The following ASIC2 variants were observed in gnomAD, a reference collection of about 807,000 sequenced individuals.
ASIC2 encodes the protein acid-sensing ion channel 2.
Under a neutral mutation model 57.3 loss-of-function variants are expected in ASIC2, and 25 were observed. The ratio of observed to expected loss-of-function variants is 0.44; its 90% CI spans 0.32 to 0.61. The LOEUF is 0.61. Among genes scored for constraint, ASIC2 ranks in the 20% least tolerant of loss-of-function variants. ASIC2 has a pLI of 0.06. For missense variants in ASIC2, 641 were observed against 738.1 expected (o/e 0.87, Z 1.52); for synonymous variants, 319 against 307.5 (o/e 1.04, Z -0.39).
At position 34,113,298 on chromosome 17, in the gene ASIC2, T is replaced by C. The variant is rs141985525; in HGVS notation, c.555+42680A>G. On this transcript the variant is annotated intron_variant, in intron 1 of 9. Transcript: ENST00000359872. ...TATGTGTCAAGAATAAAATGAGTCATGCCTGTAATCCTAGAACTTTGGGAG... is the reference window on the plus strand; with the variant it reads ...TATGTGTCAAGAATAAAATGAGTCACGCCTGTAATCCTAGAACTTTGGGAG... Among the ~76,000 whole-genome samples, 330 of 152,254 alleles carry C rather than the reference T, an allele frequency of 2.2e-3. 1 individual carries two copies. Among genetic ancestry groups the C allele is most frequent in the African/African-American group, 7.6e-3 (316 of 41,552 alleles).
intron 1 of ASIC2, among the ~76,000 whole-genome samples, chr17:33,220,241 C>T (rs1907640621): frequency 1.3e-5 from 2 of 152,190 alleles, no homozygotes; most frequent in African/African-American, 4.8e-5. Context: ...TTGGCTACCT[C>T]ACAAAGCATT....
In ASIC2 at chr17:33,675,149, A is replaced by G. The variant is rs573280578; in HGVS notation, c.555+480829T>C. ...ACATAGCAAGTTACCACTCAATATC[A>G]ATTAATGTTATCATCGTTATTTCCC... On this transcript the variant is annotated intron_variant, in intron 1 of 9. Transcript: ENST00000359872. Among the ~76,000 whole-genome samples, 13 of 152,326 alleles carry G rather than the reference A, an allele frequency of 8.5e-5. No individual in the cohort carries two copies. The South Asian group carries it at 2.3e-3, about 27-fold the overall frequency.
intron 3 of ASIC2, among the ~76,000 whole-genome samples, chr17:33,044,641 A>G (rs974219812): frequency 6.6e-6 from 1 of 152,228 alleles, no homozygotes; most frequent in Non-Finnish European, 1.5e-5. Context: ...GATTACAGGC[A>G]TGAGCCACCA....
chr17:33,799,407 C>CT (rs1241683502), intron 1 of ASIC2, among the ~76,000 whole-genome samples: 35 of 48,804 alleles, frequency 7.2e-4, no homozygotes, highest in African/African-American at 2.0e-3. Flanking sequence ...TCTTTCTTTT[C>CT]TTTCTTTCTT....
chr17:33,496,791 T>C (rs896244147), intron 1 of ASIC2, among the ~76,000 whole-genome samples: 2 of 151,982 alleles, frequency 1.3e-5, no homozygotes, highest in African/African-American at 4.8e-5. Context: ...CTAATTGTTC[T>C]ATTTTTAGTA....
intron 1 of ASIC2, among the ~76,000 whole-genome samples, chr17:33,232,910 C>T (rs1908163132): frequency 6.6e-6 from 1 of 152,268 alleles, no homozygotes; most frequent in East Asian, 1.9e-4. Flanking sequence ...TGGAGCGATG[C>T]ATTCTTGTAT....
At chr17:33,374,136 C>T (rs973686682) in intron 1 of ASIC2, among the ~76,000 whole-genome samples, 2 of 151,980 alleles carry the variant, frequency 1.3e-5, no homozygotes, top group African/African-American at 4.8e-5. Context: ...GTTGGGATTA[C>T]AGGTGCGCAC....
At chr17:33,608,416 T>G (rs562137470) in intron 1 of ASIC2, among the ~76,000 whole-genome samples, 108 of 152,256 alleles carry the variant, frequency 7.1e-4, no homozygotes, top group African/African-American at 2.5e-3. Flanking sequence ...ACTCATATAT[T>G]TTCGGCATCT....
At chr17:33,538,822 C>T (rs539790944) in intron 1 of ASIC2, among the ~76,000 whole-genome samples, 2 of 152,312 alleles carry the variant, frequency 1.3e-5, no homozygotes, top group South Asian at 2.1e-4. Context: ...GGATGAGATA[C>T]TTGGAGGCTC....
chr17:33,259,263 A>G (rs1652806310), intron 1 of ASIC2, among the ~76,000 whole-genome samples: 1 of 152,236 alleles, frequency 6.6e-6, no homozygotes, highest in Non-Finnish European at 1.5e-5. Context: ...ATAATGATAT[A>G]TTAGGCCTCC....
intron 1 of ASIC2, chr17:34,070,793 C>T (rs1186386226): frequency 6.6e-6 from 1 of 152,252 alleles, no homozygotes; most frequent in Admixed American, 6.5e-5. Context: ...TGTGCTAACT[C>T]CCTGCATACT....
chr17:33,890,593 G>C (rs1014804655), intron 1 of ASIC2, among the ~76,000 whole-genome samples: 2 of 152,168 alleles, frequency 1.3e-5, no homozygotes, highest in Non-Finnish European at 2.9e-5. Flanking sequence ...CCAGGAGTTG[G>C]ATCTGGGCAT....
chr17:33,468,323 C>T (rs946039983), intron 1 of ASIC2, among the ~76,000 whole-genome samples: 4 of 152,182 alleles, frequency 2.6e-5, no homozygotes, highest in Non-Finnish European at 4.4e-5. Context: ...ATGTTCTCCC[C>T]TCTGTATTCT....
At chr17:33,601,101 T>C (rs1019465663) in intron 1 of ASIC2, among the ~76,000 whole-genome samples, 2 of 152,166 alleles carry the variant, frequency 1.3e-5, no homozygotes, top group African/African-American at 2.4e-5. Flanking sequence ...AGATGGGATT[T>C]ATAATTAAAA....
At chr17:33,138,085 G>A (rs2092373165) in intron 1 of ASIC2, among the ~76,000 whole-genome samples, 1 of 152,212 alleles carries the variant, frequency 6.6e-6, no homozygotes, top group Non-Finnish European at 1.5e-5. Context: ...TTGGGGGACA[G>A]AGGGTCCTGG....
chr17:33,054,801 G>A (rs140174557), intron 3 of ASIC2, among the ~76,000 whole-genome samples: 45 of 152,330 alleles, frequency 3.0e-4, no homozygotes, highest in Middle Eastern at 3.4e-3. Flanking sequence ...AGAAATGGGT[G>A]TGATCAATTA....
chr17:33,174,707 C>G (rs1905672564), intron 1 of ASIC2, among the ~76,000 whole-genome samples: 1 of 152,130 alleles, frequency 6.6e-6, no homozygotes, highest in South Asian at 2.1e-4. Context: ...AGGCATGTGT[C>G]CCTGCATGGA....
intron 1 of ASIC2, among the ~76,000 whole-genome samples, chr17:33,562,526 C>A (rs373200805): frequency 6.6e-6 from 1 of 152,158 alleles, no homozygotes; most frequent in South Asian, 2.1e-4. Context: ...CAGTGTAGGA[C>A]GTGACATGCT....
chr17:33,485,336 A>G (rs1001040863), intron 1 of ASIC2, among the ~76,000 whole-genome samples: 1 of 152,256 alleles, frequency 6.6e-6, no homozygotes, highest in African/African-American at 2.4e-5. Flanking sequence ...GCCAATAGCC[A>G]GTGAGAATCA....
Sources: allele counts gnomAD v4.1 joint callset (sites outside exome capture counted in the v4.1 genomes callset), GRCh38; gene constraint gnomAD v4.1.1; transcripts MANE v1.5; gene names NCBI Gene and HGNC (gene_info 2026-07-23, HGNC 2026-07-21).